Variants in TTLL11 observed in about 807,000 individuals in gnomAD.
TTLL11 encodes the protein tubulin polyglutamylase TTLL11.
In TTLL11, 42 loss-of-function variants were observed where a neutral mutation model predicts 51.7. The ratio of observed to expected loss-of-function variants is 0.81; its 90% CI spans 0.64 to 1.05. The LOEUF is 1.05. TTLL11 is among the 50% of genes least tolerant of loss of function. The pLI, the probability that TTLL11 is intolerant of heterozygous loss-of-function variation, is 0.00. For missense variants in TTLL11, 799 were observed against 940.4 expected, an observed-to-expected ratio of 0.85 and a Z score of 1.97; for synonymous variants, 381 against 383.5, an observed-to-expected ratio of 0.99 and a Z score of 0.08.
At chr9:121,831,717 A>G (rs1282102060) in intron 8 of TTLL11, among the ~76,000 whole-genome samples, 2 of 150,360 alleles carry the variant, frequency 1.3e-5, no homozygotes, top group Non-Finnish European at 3.0e-5. Flanking sequence ...AAAAAAAAAG[A>G]ATGGTTTTTG....
In TTLL11 at chr9:121,961,490, T is replaced by C. The variant is rs547729958; in HGVS notation, c.1481+12519A>G. On this transcript the variant is annotated intron_variant, in intron 6 of 8. Transcript: ENST00000321582. ...TGGTGATAAATGCCAGAGCCAAATT[T>C]ACCCCCAAGAGTCTCGCTCCAGGGT... Among the ~76,000 whole-genome samples the C allele has an allele frequency of 2.0e-3, 307 of 152,134 alleles. 1 individual carries two copies. Among genetic ancestry groups the C allele is most frequent in the African/African-American group, 6.9e-3 (288 of 41,500 alleles).
intron 7 of TTLL11, among the ~76,000 whole-genome samples, chr9:121,870,217 A>C (rs1838312945): frequency 6.6e-6 from 1 of 152,218 alleles, no homozygotes; most frequent in Admixed American, 6.5e-5. Flanking sequence ...AGGGGCGATT[A>C]TTAATATGCG....
chr9:122,088,196 C>T (rs1159316833), intron 1 of TTLL11, among the ~76,000 whole-genome samples: 1 of 152,206 alleles, frequency 6.6e-6, no homozygotes, highest in Non-Finnish European at 1.5e-5. Context: ...TCTCCACTCC[C>T]CCATATGCTC....
chr9:121,989,272 T>C lies in TTLL11; in HGVS notation c.1192A>G (p.Ile398Val). The C allele has an allele frequency of 1.2e-6, 2 of 1,614,216 alleles. No individual in the cohort carries two copies. The highest frequency in any genetic ancestry group is 1.7e-6 in the Non-Finnish European group (2 of 1,180,020). The change falls in exon 4 of 9, where the codon ATC (isoleucine) becomes GTC (valine). Residue 398 changes from isoleucine to valine, a missense_variant. Coordinates refer to ENST00000321582, the MANE Select transcript of TTLL11 (RefSeq NM_001139442.2). This position sits in a 1 kb window ranked among gnomAD's most constrained non-coding sequence, Gnocchi z 4.2. ...ACTTTGAGCTCTGGAGTCAGCGCGA[T>C]GACCGTCTTAATCACCACGGAGATG... is the stretch of plus-strand genomic sequence containing the variant. ...DIISVVIKTV[I>V]ALTPELKVFY... is the part of the protein sequence containing the mutation.
rs1284197653 is a variant in TTLL11 at position 121,989,434 on chromosome 9, T to C, written c.1030A>G (p.Asn344Asp). The C allele has an allele frequency of 6.2e-7, 1 of 1,613,976 alleles. No homozygotes were observed. Among genetic ancestry groups the C allele is most frequent in the Non-Finnish European group, 8.5e-7 (1 of 1,180,034 alleles). Residue 344 changes from asparagine to aspartate, a missense_variant, in exon 4 of 9, where the codon AAC (asparagine) becomes GAC (aspartate). Around this residue, in one of 3 missense-constraint regions of TTLL11, gnomAD observed 468 missense variants for 612.8 expected, o/e 0.76. Coordinates refer to ENST00000321582, the MANE Select transcript of TTLL11 (RefSeq NM_001139442.2). This position sits in a 1 kb window ranked among gnomAD's most constrained non-coding sequence, Gnocchi z 4.2. ...CCGCTGTGGATGTTCAGTGAATAGT[T>C]GGTTAAGTGCATAAAGATGCGGTGC... ...NLHRIFMHLT[N>D]YSLNIHSGNF... is the part of the protein sequence containing the mutation.
At chr9:121,883,373 G>A (rs1476199014) in intron 6 of TTLL11, among the ~76,000 whole-genome samples, 2 of 152,144 alleles carry the variant, frequency 1.3e-5, no homozygotes, top group South Asian at 4.1e-4. Context: ...CCAAAGAAAT[G>A]GTAGCTGTTA....
At chr9:121,978,635 A>G (rs1489045083) in intron 4 of TTLL11, among the ~76,000 whole-genome samples, 1 of 152,212 alleles carries the variant, frequency 6.6e-6, no homozygotes, top group East Asian at 1.9e-4. Context: ...TAATTAAATC[A>G]GCAATTATGT....
chr9:121,982,122 A>G (rs778787651), intron 4 of TTLL11, among the ~76,000 whole-genome samples: 3 of 152,194 alleles, frequency 2.0e-5, no homozygotes, highest in African/African-American at 4.8e-5. Flanking sequence ...CCTCAACTCA[A>G]TGAGGTCACT....
intron 6 of TTLL11, among the ~76,000 whole-genome samples, chr9:121,887,947 C>T (rs1296413895): frequency 1.3e-5 from 2 of 152,144 alleles, no homozygotes; most frequent in African/African-American, 4.8e-5. Context: ...TGGAGTGAGT[C>T]AGCTTCCTGG....
chr9:122,035,400 C>A (rs1283639852), intron 2 of TTLL11, among the ~76,000 whole-genome samples: 1 of 152,236 alleles, frequency 6.6e-6, no homozygotes, highest in Non-Finnish European at 1.5e-5. Flanking sequence ...CTGGGCTTTT[C>A]TGTCTGCTAC....
chr9:121,987,362 G>A (rs576248238), intron 4 of TTLL11, among the ~76,000 whole-genome samples: 1 of 152,160 alleles, frequency 6.6e-6, no homozygotes, highest in South Asian at 2.1e-4. Flanking sequence ...GGTCCCAGAG[G>A]TACCCCTTCT....
At chr9:121,899,393 A>ATATATATATATATATATG (rs1564295478) in intron 6 of TTLL11, among the ~76,000 whole-genome samples, 5 of 127,906 alleles carry the variant, frequency 3.9e-5, no homozygotes, top group East Asian at 2.6e-4. Context: ...ATATATATAT[A>ATATATATATATATATATG]TATATATATA....
At chr9:121,927,725 C>T (rs925950300) in intron 6 of TTLL11, among the ~76,000 whole-genome samples, 4 of 150,210 alleles carry the variant, frequency 2.7e-5, no homozygotes, top group African/African-American at 9.8e-5. Flanking sequence ...TAGGAGTTAG[C>T]GAGGCAAAGA....
chr9:121,872,691 C>T (rs1012626658), intron 6 of TTLL11, among the ~76,000 whole-genome samples: 1 of 152,178 alleles, frequency 6.6e-6, no homozygotes. Context: ...AGGCCTATTC[C>T]CGGTTCCTCC....
intron 6 of TTLL11, among the ~76,000 whole-genome samples, chr9:121,945,398 G>A (rs866418650): frequency 3.3e-5 from 5 of 152,174 alleles, no homozygotes; most frequent in Admixed American, 6.5e-5. Flanking sequence ...GGCAGGAATG[G>A]TAGATTGGGA....
intron 3 of TTLL11, among the ~76,000 whole-genome samples, chr9:122,016,127 G>T (rs1190940133): frequency 6.6e-6 from 1 of 152,180 alleles, no homozygotes; most frequent in Non-Finnish European, 1.5e-5. Flanking sequence ...TAAGCAGGGG[G>T]TCCGAAAAAC....
chr9:122,042,383 A>C (rs1399212959), intron 1 of TTLL11, among the ~76,000 whole-genome samples: 1 of 152,234 alleles, frequency 6.6e-6, no homozygotes, highest in Non-Finnish European at 1.5e-5. Context: ...TACCACCAGC[A>C]CCTATTACAA....
intron 6 of TTLL11, among the ~76,000 whole-genome samples, chr9:121,881,854 A>G (rs1477783421): frequency 6.6e-6 from 1 of 152,180 alleles, no homozygotes; most frequent in Admixed American, 6.5e-5. Flanking sequence ...TACCCTGGTT[A>G]AACCACACAG....
chr9:121,851,982 C>T (rs1489196316), intron 8 of TTLL11, among the ~76,000 whole-genome samples: 2 of 152,128 alleles, frequency 1.3e-5, no homozygotes, highest in East Asian at 1.9e-4. Flanking sequence ...AGGGCCGGGA[C>T]GGGGCTCACA....
Sources: allele counts gnomAD v4.1 joint callset (sites outside exome capture counted in the v4.1 genomes callset), GRCh38; gene constraint gnomAD v4.1.1; regional missense constraint gnomAD v4.1.1; non-coding constraint Gnocchi (gnomAD v3.1); transcripts MANE v1.5; gene names NCBI Gene and HGNC (gene_info 2026-07-23, HGNC 2026-07-21).